The following DLGAP2 variants were observed in gnomAD, a reference collection of about 807,000 sequenced individuals.
DLGAP2 encodes DLG associated protein 2, also known as disks large-associated protein 2.
Under a neutral mutation model 100.3 loss-of-function variants are expected in DLGAP2, and 26 were observed. The ratio of observed to expected loss-of-function variants is 0.26; its 90% CI spans 0.19 to 0.36. The LOEUF (loss-of-function observed/expected upper bound fraction) is 0.36. Among genes scored for constraint, DLGAP2 ranks in the 10% least tolerant of loss-of-function variants. The pLI is 1.00. For missense variants in DLGAP2, 1,858 were observed against 1,453.2 expected (o/e 1.28, Z -4.53); for synonymous variants, 886 against 630.1 (o/e 1.41, Z -6.08).
intron 3 of DLGAP2, among the ~76,000 whole-genome samples, chr8:1,347,295 G>T (rs1271759494): frequency 6.6e-6 from 1 of 151,930 alleles, no homozygotes. Context: ...CGGTAGCTGT[G>T]TGGAGGTTGA....
chr8:850,479 A>G (rs1396538960), intron 1 of DLGAP2, among the ~76,000 whole-genome samples: 1 of 152,230 alleles, frequency 6.6e-6, no homozygotes, highest in African/African-American at 2.4e-5. Context: ...AAAGCTTTAA[A>G]TTAATTCTTA....
At chr8:965,586 G>A (rs1348437331) in intron 2 of DLGAP2, among the ~76,000 whole-genome samples, 8 of 138,040 alleles carry the variant, frequency 5.8e-5, no homozygotes, top group African/African-American at 2.0e-4. Context: ...ACACGGCACT[G>A]TTCACCTCAC....
chr8:988,510 A>G (rs976738490), intron 2 of DLGAP2, among the ~76,000 whole-genome samples: 7 of 152,192 alleles, frequency 4.6e-5, no homozygotes, highest in South Asian at 4.1e-4. Context: ...TTTGGCAACA[A>G]CAGGCCTTGA....
At chr8:1,614,286 A>G (rs1797077956) in intron 6 of DLGAP2, among the ~76,000 whole-genome samples, 1 of 152,252 alleles carries the variant, frequency 6.6e-6, no homozygotes, top group African/African-American at 2.4e-5. Flanking sequence ...AGGCAAGAGA[A>G]CAGCCGTGGG....
chr8:1,221,532 T>A (rs11988553), intron 2 of DLGAP2, among the ~76,000 whole-genome samples: 1 of 152,024 alleles, frequency 6.6e-6, no homozygotes, highest in Non-Finnish European at 1.5e-5. Context: ...TTTAGCATTT[T>A]TTTTTCATGC....
At chr8:1,521,054 G>A (rs1261732786) in intron 4 of DLGAP2, among the ~76,000 whole-genome samples, 3 of 152,228 alleles carry the variant, frequency 2.0e-5, no homozygotes, top group Non-Finnish European at 4.4e-5. Context: ...TCTATTCGGG[G>A]TGTGGTGGTG....
At chr8:1,467,728 T>C (rs1418786622) in intron 3 of DLGAP2, among the ~76,000 whole-genome samples, 1 of 152,106 alleles carries the variant, frequency 6.6e-6, no homozygotes, top group Non-Finnish European at 1.5e-5. Context: ...CTGCTCTCCA[T>C]AGCTCACTGC....
intron 4 of DLGAP2, among the ~76,000 whole-genome samples, chr8:1,526,111 A>G (rs901393500): frequency 4.0e-5 from 6 of 151,122 alleles, no homozygotes; most frequent in African/African-American, 1.5e-4. Flanking sequence ...TGGGAGTAAC[A>G]ATGTAATGAC....
chr8:1,464,622 C>G (rs1798570165), intron 3 of DLGAP2, among the ~76,000 whole-genome samples: 1 of 152,238 alleles, frequency 6.6e-6, no homozygotes, highest in Non-Finnish European at 1.5e-5. Context: ...CAGCTAGTCA[C>G]TGTCTCCAAT....
chr8:1,458,694 G>T (rs187176349), intron 3 of DLGAP2, among the ~76,000 whole-genome samples: 4 of 152,350 alleles, frequency 2.6e-5, no homozygotes, highest in African/African-American at 9.6e-5. Flanking sequence ...GCTCAGAGCA[G>T]CCTTCCCTGG....
At chr8:1,092,972 G>T (rs1804234258) in intron 2 of DLGAP2, among the ~76,000 whole-genome samples, 1 of 152,204 alleles carries the variant, frequency 6.6e-6, no homozygotes, top group Non-Finnish European at 1.5e-5. Context: ...CATTTCACCG[G>T]ATATGGGGGC....
chr8:1,198,625 C>T (rs1400331088), intron 2 of DLGAP2, among the ~76,000 whole-genome samples: 6 of 152,254 alleles, frequency 3.9e-5, no homozygotes, highest in Non-Finnish European at 1.5e-5. Flanking sequence ...CTGGCAGACC[C>T]CAAAAGGCAA....
chr8:1,659,307 T>A (rs544198273), intron 8 of DLGAP2, among the ~76,000 whole-genome samples: 1 of 151,656 alleles, frequency 6.6e-6, no homozygotes, highest in African/African-American at 2.4e-5. Context: ...CTGAGAAGAA[T>A]GGGATATTCT....
At chr8:878,702 C>A (rs375046628) in intron 1 of DLGAP2, among the ~76,000 whole-genome samples, 20 of 152,042 alleles carry the variant, frequency 1.3e-4, no homozygotes, top group African/African-American at 4.6e-4. Flanking sequence ...GGAGTGAGTT[C>A]TCCTGGGAAT....
intron 1 of DLGAP2, among the ~76,000 whole-genome samples, chr8:751,788 A>G (rs1820797621): frequency 6.6e-6 from 1 of 152,072 alleles, no homozygotes; most frequent in Middle Eastern, 3.2e-3. Flanking sequence ...AGTTCATCTG[A>G]CATTTTATAG....
chr8:1,096,101 A>C (rs759780724), intron 2 of DLGAP2, among the ~76,000 whole-genome samples: 2 of 152,198 alleles, frequency 1.3e-5, no homozygotes, highest in African/African-American at 4.8e-5. Context: ...TTATTTTTCC[A>C]TTTACATCAC....
intron 2 of DLGAP2, among the ~76,000 whole-genome samples, chr8:1,128,398 G>A (rs959089770): frequency 6.6e-6 from 1 of 152,226 alleles, no homozygotes; most frequent in Non-Finnish European, 1.5e-5. Context: ...AGGGAACAGT[G>A]GTCCCATGGA....
chr8:1,223,236 T>G (rs897836029), intron 2 of DLGAP2, among the ~76,000 whole-genome samples: 1 of 152,164 alleles, frequency 6.6e-6, no homozygotes, highest in African/African-American at 2.4e-5. Context: ...TTCCTCCCCT[T>G]TCAGCCAGGG....
At chr8:752,191 A>T (rs1820808910) in intron 1 of DLGAP2, among the ~76,000 whole-genome samples, 1 of 151,882 alleles carries the variant, frequency 6.6e-6, no homozygotes, top group African/African-American at 2.4e-5. Flanking sequence ...CTTTTTCCTC[A>T]CTGTGAGGTC....
Sources: allele counts gnomAD v4.1 joint callset (sites outside exome capture counted in the v4.1 genomes callset), GRCh38; gene constraint gnomAD v4.1.1; transcripts MANE v1.5; gene names NCBI Gene and HGNC (gene_info 2026-07-23, HGNC 2026-07-21).